STX8: variants seen among roughly 807,000 people sequenced by gnomAD.
STX8 encodes syntaxin 8, also known as syntaxin-8.
In STX8, 23 loss-of-function variants were observed where a neutral mutation model predicts 37.5. That is an observed-to-expected ratio of 0.61 (90% confidence interval 0.44 to 0.87). The LOEUF is 0.87. Among genes scored for constraint, STX8 ranks in the 40% least tolerant of loss-of-function variants. STX8 has a pLI of 0.00. For missense variants in STX8, 313 were observed against 284.7 expected, an observed-to-expected ratio of 1.10 and a Z score of -0.71; for synonymous variants, 115 against 99.1, an observed-to-expected ratio of 1.16 and a Z score of -0.95.
intron 6 of STX8, among the ~76,000 whole-genome samples, chr17:9,382,241 A>G (rs1224986490): frequency 1.3e-5 from 2 of 152,022 alleles, no homozygotes; most frequent in African/African-American, 4.8e-5. Context: ...AAATTAACAG[A>G]AGAAATAAAA....
At chr17:9,563,194 T>TTAC (rs1907317980) in intron 2 of STX8, among the ~76,000 whole-genome samples, 1 of 148,044 alleles carries the variant, frequency 6.8e-6, no homozygotes, top group African/African-American at 2.6e-5. Flanking sequence ...TATTTATTTA[T>TTAC]TTATTGAGAC....
At chr17:9,435,363 C>G (rs1226109697) in intron 6 of STX8, among the ~76,000 whole-genome samples, 3 of 152,124 alleles carry the variant, frequency 2.0e-5, no homozygotes, top group Non-Finnish European at 4.4e-5. Context: ...CCATTATGAA[C>G]AGGAGAGGAC....
chr17:9,389,983 T>C (rs1205248571), intron 6 of STX8, among the ~76,000 whole-genome samples: 1 of 152,134 alleles, frequency 6.6e-6, no homozygotes, highest in Non-Finnish European at 1.5e-5. Flanking sequence ...GGAAAGGTAA[T>C]GCTTTGCCTA....
At chr17:9,474,125 G>A (rs1169738659) in intron 6 of STX8, among the ~76,000 whole-genome samples, 1 of 152,126 alleles carries the variant, frequency 6.6e-6, no homozygotes, top group Non-Finnish European at 1.5e-5. Flanking sequence ...TCAGTGTGCT[G>A]GGGCAGGAGT....
At chr17:9,463,177 C>G (rs933094639) in intron 6 of STX8, among the ~76,000 whole-genome samples, 1 of 152,166 alleles carries the variant, frequency 6.6e-6, no homozygotes, top group Admixed American at 6.5e-5. Context: ...TTATTAGCTA[C>G]GTGATTTGAG....
rs796965091 is a variant in STX8, at chr17:9,468,118, G to GT, written c.541+23710dup. Among the ~76,000 whole-genome samples, 15 of 151,906 alleles carry GT rather than the reference G, an allele frequency of 9.9e-5. No homozygotes were observed. The South Asian group carries it at 1.7e-3, about 17-fold the overall frequency. On this transcript the variant is annotated intron_variant, in intron 6 of 7. Coordinates refer to ENST00000306357, the MANE Select transcript of STX8 (RefSeq NM_004853.3). Reference sequence around the variant, plus strand: ...CGAGGTTTGTTTTATTTTGTTTTTGGTTTTTTTTGAGATGGAGTTTTGCTC... The same window carrying GT: ...CGAGGTTTGTTTTATTTTGTTTTTGGTTTTTTTTTGAGATGGAGTTTTGCTC...
chr17:9,425,389 A>T (rs1226840464), intron 6 of STX8, among the ~76,000 whole-genome samples: 1 of 152,186 alleles, frequency 6.6e-6, no homozygotes, highest in African/African-American at 2.4e-5. Context: ...ATTTATTTGT[A>T]TTTATAAATT....
chr17:9,525,741 T>C (rs1310078508), intron 4 of STX8, among the ~76,000 whole-genome samples: 2 of 152,216 alleles, frequency 1.3e-5, no homozygotes, highest in Non-Finnish European at 2.9e-5. Context: ...TCCAGAGTTG[T>C]TTTGTGCAAG....
chr17:9,431,826 T>C (rs991706240), intron 6 of STX8, among the ~76,000 whole-genome samples: 6 of 152,216 alleles, frequency 3.9e-5, no homozygotes, highest in African/African-American at 1.4e-4. Context: ...GTCAAGGCTA[T>C]GCTTGCAGAG....
intron 7 of STX8, among the ~76,000 whole-genome samples, chr17:9,258,139 TA>T (rs1241163399): frequency 2.0e-5 from 3 of 152,254 alleles, no homozygotes; most frequent in Non-Finnish European, 2.9e-5. Flanking sequence ...AAGTTTGTTT[TA>T]TTTTTTTGGC....
At chr17:9,393,244 A>G (rs1017426711) in intron 6 of STX8, among the ~76,000 whole-genome samples, 1 of 152,244 alleles carries the variant, frequency 6.6e-6, no homozygotes, top group African/African-American at 2.4e-5. Context: ...ACAAAATTCT[A>G]TAACCAGCAA....
chr17:9,464,387 G>T (rs189082413), intron 6 of STX8, among the ~76,000 whole-genome samples: 2 of 152,286 alleles, frequency 1.3e-5, no homozygotes, highest in Admixed American at 1.3e-4. Context: ...CAAATCTGCC[G>T]CTAGGTATAA....
intron 7 of STX8, among the ~76,000 whole-genome samples, chr17:9,358,372 A>G (rs945644060): frequency 6.6e-6 from 1 of 151,760 alleles, no homozygotes; most frequent in Non-Finnish European, 1.5e-5. Flanking sequence ...AGGGAAAAAA[A>G]GGTCTTCAAT....
At chr17:9,534,249 TA>T (rs1185364194) in intron 4 of STX8, among the ~76,000 whole-genome samples, 2 of 145,508 alleles carry the variant, frequency 1.4e-5, no homozygotes, top group African/African-American at 5.1e-5. Context: ...CCAAAAAGAT[TA>T]AAAAAAAAAC....
chr17:9,400,697 C>T (rs566403762), intron 6 of STX8, among the ~76,000 whole-genome samples: 108 of 152,270 alleles, frequency 7.1e-4, no homozygotes, highest in African/African-American at 1.6e-3. Flanking sequence ...GAGCCACCCG[C>T]GCCCGGCCGA....
intron 6 of STX8, among the ~76,000 whole-genome samples, chr17:9,384,057 A>G (rs1185168651): frequency 6.6e-6 from 1 of 151,662 alleles, no homozygotes; most frequent in Non-Finnish European, 1.5e-5. Context: ...TAGCTGTACT[A>G]GTTCACATTC....
At chr17:9,452,489 C>G (rs1191285487) in intron 6 of STX8, 1 of 152,132 alleles carries the variant, frequency 6.6e-6, no homozygotes, top group Non-Finnish European at 1.5e-5. Context: ...AACACACTGC[C>G]ACTCTGAAAG....
intron 4 of STX8, among the ~76,000 whole-genome samples, chr17:9,506,697 T>C (rs1294981835): frequency 6.6e-6 from 1 of 152,086 alleles, no homozygotes; most frequent in Non-Finnish European, 1.5e-5. Flanking sequence ...ACAGTCCTTA[T>C]TACAGGAGGA....
At chr17:9,304,533 AAAAG>A (rs1310570399) in intron 7 of STX8, among the ~76,000 whole-genome samples, 26 of 149,582 alleles carry the variant, frequency 1.7e-4, no homozygotes, top group African/African-American at 6.3e-4. Context: ...AAAAAAAGAA[AAAAG>A]AAAGAAAAAA....
Sources: allele counts gnomAD v4.1 joint callset (sites outside exome capture counted in the v4.1 genomes callset), GRCh38; gene constraint gnomAD v4.1.1; transcripts MANE v1.5; gene names NCBI Gene and HGNC (gene_info 2026-07-23, HGNC 2026-07-21).